Variants in NRXN1 observed in about 807,000 individuals in gnomAD.
The protein encoded by NRXN1 is neurexin 1.
In NRXN1, 39 loss-of-function variants were observed where a neutral mutation model predicts 150.9. The ratio of observed to expected loss-of-function variants is 0.26; its 90% CI spans 0.20 to 0.34. The LOEUF (loss-of-function observed/expected upper bound fraction) is 0.34, where lower values mean the gene tolerates loss of function less well. NRXN1 is among the 10% of genes least tolerant of loss of function. The pLI is 1.00. For missense variants in NRXN1, 1,815 were observed against 1,949.9 expected (o/e 0.93, Z 1.30); for synonymous variants, 924 against 757.0 (o/e 1.22, Z -3.62).
chr2:50,110,567 A>G (rs1421548820), intron 18 of NRXN1, among the ~76,000 whole-genome samples: 1 of 152,090 alleles, frequency 6.6e-6, no homozygotes, highest in East Asian at 1.9e-4. Flanking sequence ...TTCAAAATAA[A>G]AAATAATTTC....
intron 17 of NRXN1, among the ~76,000 whole-genome samples, chr2:50,453,774 A>C (rs968768694): frequency 6.6e-6 from 1 of 152,184 alleles, no homozygotes; most frequent in Non-Finnish European, 1.5e-5. Context: ...GGAGGACTAA[A>C]GCAGAGCACA....
intron 17 of NRXN1, among the ~76,000 whole-genome samples, chr2:50,339,817 C>T (rs947209970): frequency 6.6e-6 from 1 of 152,172 alleles, no homozygotes. Context: ...ATTCCTTCCA[C>T]TGAAATGCAG....
chr2:50,648,683 C>T lies in NRXN1; in HGVS notation c.833-25068G>A, dbSNP rs142348125. Among the ~76,000 whole-genome samples the T allele has an allele frequency of 5.9e-5, 9 of 152,052 alleles. No homozygotes were observed. The South Asian group carries it at 6.2e-4, about 11-fold the overall frequency. On this transcript the variant is annotated intron_variant, in intron 5 of 22. Transcript: ENST00000401669. Reference sequence around the variant, plus strand: ...ATTTATGTATCCTATCTCTGTGCAACCAATGGATTTAATGGGTCAGCAAGC... The same window carrying T: ...ATTTATGTATCCTATCTCTGTGCAATCAATGGATTTAATGGGTCAGCAAGC...
chr2:50,897,924 CA>C (rs1559410767), intron 5 of NRXN1, among the ~76,000 whole-genome samples: 1 of 150,752 alleles, frequency 6.6e-6, no homozygotes, highest in African/African-American at 2.4e-5. Context: ...TTGATGATAG[CA>C]AAAACAAAAC....
chr2:50,289,424 C>T (rs1311333536), intron 17 of NRXN1, among the ~76,000 whole-genome samples: 5 of 152,110 alleles, frequency 3.3e-5, no homozygotes, highest in Non-Finnish European at 7.4e-5. Context: ...CTTCCCCCAT[C>T]TAATATTATT....
At chr2:50,857,235 G>A (rs1374531507) in intron 5 of NRXN1, among the ~76,000 whole-genome samples, 1 of 152,014 alleles carries the variant, frequency 6.6e-6, no homozygotes, top group Non-Finnish European at 1.5e-5. Context: ...AGAGAAGAGG[G>A]GATTTGATAT....
At chr2:50,597,099 A>C (rs1376517688) in intron 8 of NRXN1, among the ~76,000 whole-genome samples, 1 of 151,654 alleles carries the variant, frequency 6.6e-6, no homozygotes, top group African/African-American at 2.4e-5. Flanking sequence ...CTGCCTCAGC[A>C]CTCCCAAAGT....
chr2:49,921,775 C>A lies in NRXN1; in HGVS notation c.*169G>T, dbSNP rs1405328834. 4 of 692,506 alleles carry A rather than the reference C, an allele frequency of 5.8e-6. No homozygotes were observed. The highest frequency in any genetic ancestry group is 9.2e-6 in the Non-Finnish European group (4 of 435,416). 42.9% of individuals were successfully genotyped at this position (692,506 alleles called of 1,614,324 possible). On this transcript the variant is annotated 3_prime_UTR_variant, in exon 23 of 23. Coordinates refer to ENST00000401669, the MANE Select transcript of NRXN1 (RefSeq NM_001330078.2). Reference sequence around the variant, plus strand: ...TTTTTTGTTTTTCTTTTTTGAGAAACAAGAGCATGAGATACTTGTTTTTAT... The same window carrying A: ...TTTTTTGTTTTTCTTTTTTGAGAAAAAAGAGCATGAGATACTTGTTTTTAT...
chr2:50,180,188 AT>A (rs199999182), intron 18 of NRXN1, among the ~76,000 whole-genome samples: 1 of 133,466 alleles, frequency 7.5e-6, no homozygotes, highest in African/African-American at 3.0e-5. Context: ...CATCTGGCTA[AT>A]TTAAAAAAAA....
chr2:51,004,993 A>G (rs574734089), intron 2 of NRXN1, among the ~76,000 whole-genome samples: 112 of 152,108 alleles, frequency 7.4e-4, no homozygotes, highest in African/African-American at 2.6e-3. Context: ...ATGCATGCCT[A>G]TATCTACATA....
chr2:50,531,723 G>A (rs1199657913), intron 10 of NRXN1, among the ~76,000 whole-genome samples: 1 of 152,060 alleles, frequency 6.6e-6, no homozygotes, highest in Non-Finnish European at 1.5e-5. Flanking sequence ...TGAATTTTGA[G>A]TGTTTGATTA....
intron 5 of NRXN1, among the ~76,000 whole-genome samples, chr2:50,668,044 C>T (rs184268858): frequency 4.5e-4 from 68 of 152,034 alleles, no homozygotes; most frequent in African/African-American, 1.3e-3. Flanking sequence ...TAATAAGATG[C>T]TTTTTAGAAA....
intron 17 of NRXN1, among the ~76,000 whole-genome samples, chr2:50,306,224 G>T (rs974374785): frequency 6.6e-6 from 1 of 152,190 alleles, no homozygotes. Flanking sequence ...AGAAACAAAT[G>T]TCAGTGAATT....
intron 7 of NRXN1, 175 bp downstream of exon 7, chr2:50,621,051 A>G: frequency 1.8e-6 from 1 of 543,648 alleles, no homozygotes; most frequent in South Asian, 3.6e-5. Context: ...CAGGTAAAAA[A>G]TAAGAAGGTC....
chr2:50,884,078 A>C (rs1240010845), intron 5 of NRXN1, among the ~76,000 whole-genome samples: 1 of 151,838 alleles, frequency 6.6e-6, no homozygotes, highest in African/African-American at 2.4e-5. Context: ...AATATAAAGC[A>C]CAAAAAAATG....
intron 8 of NRXN1, among the ~76,000 whole-genome samples, chr2:50,603,934 A>G (rs191669375): frequency 4.0e-5 from 6 of 151,282 alleles, no homozygotes; most frequent in African/African-American, 1.2e-4. Flanking sequence ...CAAGCTCCCC[A>G]CTCCTTTTCA....
chr2:50,491,935 A>C (rs1316646761), intron 15 of NRXN1, among the ~76,000 whole-genome samples: 1 of 152,212 alleles, frequency 6.6e-6, no homozygotes. Flanking sequence ...ACTGACCTCA[A>C]TTTAAATCCC....
intron 10 of NRXN1, 37 bp downstream of exon 10, chr2:50,538,216 T>A: frequency 6.3e-7 from 1 of 1,583,046 alleles, no homozygotes; most frequent in Non-Finnish European, 8.6e-7. Context: ...AAACTTTTCA[T>A]CTCAGGGAGT....
At chr2:50,829,999 GAAAAA>G (rs572758147) in intron 5 of NRXN1, among the ~76,000 whole-genome samples, 6,855 of 58,186 alleles carry the variant, frequency 0.12, 389 homozygotes, top group Middle Eastern at 0.19. Flanking sequence ...CTGCCTGCTG[GAAAAA>G]AAAAAAAAAA....
Sources: gnomAD v4.1 joint callset for allele counts (sites outside exome capture counted in the v4.1 genomes callset) on GRCh38, gnomAD v4.1.1 for gene constraint, MANE v1.5 for transcripts, NCBI Gene and HGNC (gene_info 2026-07-23, HGNC 2026-07-21) for gene names.